Variants in WWOX observed in about 807,000 individuals in gnomAD.
WWOX encodes WW domain containing oxidoreductase.
Under a neutral mutation model 46.2 loss-of-function variants are expected in WWOX, and 69 were observed. The ratio of observed to expected loss-of-function variants is 1.49; its 90% CI spans 1.23 to 1.82. The LOEUF is 1.82. Ranked by LOEUF, WWOX falls within the 40% of genes most tolerant of loss-of-function variation. The probability of loss-of-function intolerance (pLI) is 0.00; values close to 1 mark genes in which losing one functional copy is unlikely to be tolerated. For synonymous variants in WWOX, 359 were observed against 202.6 expected (o/e 1.77, Z -6.56); for missense variants, 919 against 542.6 (o/e 1.69, Z -6.89).
chr16:79,011,135 CCA>C (rs10611855), intron 8 of WWOX, among the ~76,000 whole-genome samples: 11,547 of 146,152 alleles, frequency 0.079, 517 homozygotes, highest in African/African-American at 0.13. Context: ...ACTCACACAT[CCA>C]CACACACACA....
chr16:78,417,671 A>G (rs559650231), intron 6 of WWOX, among the ~76,000 whole-genome samples: 1 of 152,274 alleles, frequency 6.6e-6, no homozygotes, highest in Non-Finnish European at 1.5e-5. Context: ...CAATATATGA[A>G]TTATCCCTGC....
intron 6 of WWOX, among the ~76,000 whole-genome samples, chr16:78,388,377 T>G (rs2082103161): frequency 6.6e-6 from 1 of 152,164 alleles, no homozygotes; most frequent in South Asian, 2.1e-4. Context: ...CTGGGTGCAG[T>G]GGCTTATGCC....
intron 1 of WWOX, among the ~76,000 whole-genome samples, chr16:78,103,242 GT>G (rs74264852): frequency 1.7e-3 from 244 of 142,618 alleles, no homozygotes; most frequent in Middle Eastern, 3.8e-3. Context: ...TGGCTCCGCT[GT>G]TTTTTTTTTT....
intron 8 of WWOX, among the ~76,000 whole-genome samples, chr16:78,647,349 T>G (rs1334678182): frequency 6.6e-6 from 1 of 152,178 alleles, no homozygotes; most frequent in African/African-American, 2.4e-5. Flanking sequence ...GACCATTGTT[T>G]AGCCCTCCTT....
intron 8 of WWOX, among the ~76,000 whole-genome samples, chr16:78,683,344 C>A (rs1333716091): frequency 6.6e-6 from 1 of 151,480 alleles, no homozygotes; most frequent in South Asian, 2.1e-4. Context: ...TGGAGACCAG[C>A]CTGGGCAACA....
chr16:78,218,034 C>A (rs79314905), intron 5 of WWOX, among the ~76,000 whole-genome samples: 1 of 152,054 alleles, frequency 6.6e-6, no homozygotes, highest in Non-Finnish European at 1.5e-5. Context: ...CCTCTCCCTC[C>A]CTGTGCTTGC....
intron 8 of WWOX, among the ~76,000 whole-genome samples, chr16:79,036,682 C>T (rs181002903): frequency 2.0e-5 from 3 of 152,336 alleles, no homozygotes; most frequent in African/African-American, 7.2e-5. Flanking sequence ...GAGGCTGTAC[C>T]TGCACTTGAT....
In WWOX at chr16:78,634,479, G is replaced by A. The variant is rs1405514265; in HGVS notation, c.1056+201727G>A. ...TCCCAGCACTTTGGGAGGGCGAGGC[G>A]GGCAGATCACAAGGTCAGGAGTTCG... On this transcript the variant is annotated intron_variant, in intron 8 of 8. Coordinates refer to ENST00000566780, the MANE Select transcript of WWOX (RefSeq NM_016373.4). Among the ~76,000 whole-genome samples the A allele has an allele frequency of 2.0e-5, 3 of 152,082 alleles. 1 individual carries two copies. Among genetic ancestry groups the A allele is most frequent in the Admixed American group, 2.0e-4 (3 of 15,290 alleles).
chr16:79,055,380 G>A (rs544971040), intron 8 of WWOX, among the ~76,000 whole-genome samples: 11 of 152,144 alleles, frequency 7.2e-5, no homozygotes, highest in Middle Eastern at 3.4e-3. Flanking sequence ...GCACTTATTC[G>A]TTTGCTTGAC....
intron 3 of WWOX, among the ~76,000 whole-genome samples, chr16:78,112,523 G>T (rs950332984): frequency 1.3e-5 from 2 of 152,122 alleles, no homozygotes; most frequent in African/African-American, 4.8e-5. Flanking sequence ...GCCACCATAG[G>T]CAGCCCCAGG....
chr16:78,103,617 T>A (rs1567570455), intron 1 of WWOX, among the ~76,000 whole-genome samples: 1 of 152,152 alleles, frequency 6.6e-6, no homozygotes. Context: ...GCCCTTCTTT[T>A]CTTTTCAGTT....
At chr16:79,012,555 A>C (rs995346158) in intron 8 of WWOX, among the ~76,000 whole-genome samples, 1 of 152,152 alleles carries the variant, frequency 6.6e-6, no homozygotes, top group Non-Finnish European at 1.5e-5. Flanking sequence ...TTTTAATTTG[A>C]TATCATTGTG....
intron 8 of WWOX, among the ~76,000 whole-genome samples, chr16:78,498,005 A>G (rs756921480): frequency 6.6e-6 from 1 of 152,052 alleles, no homozygotes; most frequent in African/African-American, 2.4e-5. Flanking sequence ...GATCGAGACC[A>G]TCCTGGCTAA....
chr16:78,108,021 C>G (rs1003987880), intron 1 of WWOX, among the ~76,000 whole-genome samples: 12 of 151,840 alleles, frequency 7.9e-5, no homozygotes, highest in Non-Finnish European at 1.6e-4. Context: ...TTCTGCTTCC[C>G]TGGCTCAAGC....
chr16:78,433,820 C>T (rs373333386), intron 8 of WWOX, among the ~76,000 whole-genome samples: 41 of 117,110 alleles, frequency 3.5e-4, no homozygotes, highest in Middle Eastern at 9.6e-3. Context: ...GACGGAGTCT[C>T]GCTCTGTCGC....
chr16:78,352,717 A>G (rs566386719), intron 5 of WWOX, among the ~76,000 whole-genome samples: 1 of 152,342 alleles, frequency 6.6e-6, no homozygotes, highest in African/African-American at 2.4e-5. Context: ...GGATTAGTTC[A>G]TGAACATATT....
chr16:78,579,928 C>G (rs754564964), intron 8 of WWOX, among the ~76,000 whole-genome samples: 7 of 152,172 alleles, frequency 4.6e-5, no homozygotes, highest in South Asian at 2.1e-4. Context: ...GACTTCTGTT[C>G]TGAATGTTAA....
intron 1 of WWOX, among the ~76,000 whole-genome samples, chr16:78,107,940 T>C (rs1038589814): frequency 2.0e-5 from 3 of 151,984 alleles, no homozygotes; most frequent in African/African-American, 7.3e-5. Context: ...ATTTATTTAT[T>C]TATTTTTGAG....
At chr16:79,013,010 A>G (rs1243368974) in intron 8 of WWOX, among the ~76,000 whole-genome samples, 3 of 152,202 alleles carry the variant, frequency 2.0e-5, no homozygotes, top group Non-Finnish European at 2.9e-5. Context: ...TGGAGGTTGC[A>G]GTGAGCTGAG....
Sources: gnomAD v4.1 joint callset for allele counts (sites outside exome capture counted in the v4.1 genomes callset) on GRCh38, gnomAD v4.1.1 for gene constraint, MANE v1.5 for transcripts, NCBI Gene and HGNC (gene_info 2026-07-23, HGNC 2026-07-21) for gene names.